Variants in VMP1 observed in about 807,000 individuals in gnomAD.
VMP1 encodes the protein ectopic P-granules autophagy protein 3 homolog.
In VMP1, 11 loss-of-function variants were observed where a neutral mutation model predicts 56.0. The observed-to-expected ratio is 0.20, with a 90% CI of 0.12 to 0.32. The LOEUF is 0.32. VMP1 is among the 10% of genes least tolerant of loss of function. The pLI, the probability that VMP1 is intolerant of heterozygous loss-of-function variation, is 1.00. For missense variants in VMP1, 296 were observed against 490.3 expected, an observed-to-expected ratio of 0.60 and a Z score of 3.74; for synonymous variants, 149 against 165.0, an observed-to-expected ratio of 0.90 and a Z score of 0.74.
chr17:59,778,362 A>G (rs1211275652), intron 7 of VMP1, among the ~76,000 whole-genome samples: 1 of 152,040 alleles, frequency 6.6e-6, no homozygotes, highest in East Asian at 1.9e-4. Flanking sequence ...AACACAGTGA[A>G]ACCCCATCTC....
chr17:59,776,645 A>G (rs953066902), intron 7 of VMP1, among the ~76,000 whole-genome samples: 1 of 152,358 alleles, frequency 6.6e-6, no homozygotes, highest in East Asian at 1.9e-4. Flanking sequence ...TGCCAGCATT[A>G]CTGGTATATT....
chr17:59,836,920 G>A (rs2039000863), intron 10 of VMP1, among the ~76,000 whole-genome samples: 1 of 152,034 alleles, frequency 6.6e-6, no homozygotes, highest in Admixed American at 6.6e-5. Context: ...AAGAAGTGAA[G>A]GCCAGTCGCG....
At chr17:59,731,764 A>T (rs1470631783) in intron 2 of VMP1, among the ~76,000 whole-genome samples, 2 of 152,290 alleles carry the variant, frequency 1.3e-5, no homozygotes, top group South Asian at 2.1e-4. Context: ...ATCTTATAGT[A>T]TGGTCAGTGT....
At chr17:59,777,403 T>A (rs991969992) in intron 7 of VMP1, among the ~76,000 whole-genome samples, 1 of 152,132 alleles carries the variant, frequency 6.6e-6, no homozygotes, top group African/African-American at 2.4e-5. Flanking sequence ...CAAGTTTCTG[T>A]AATTGGTATC....
intron 5 of VMP1, among the ~76,000 whole-genome samples, chr17:59,748,467 A>G (rs1174128525): frequency 1.3e-5 from 2 of 152,308 alleles, no homozygotes; most frequent in East Asian, 3.9e-4. Context: ...GTACAATATT[A>G]CTAGCTGTGT....
At chr17:59,820,965 C>CTTTTTTTTTTTTTTTTTTTTTTTTTTTT (rs201428600) in intron 10 of VMP1, among the ~76,000 whole-genome samples, 1 of 146,634 alleles carries the variant, frequency 6.8e-6, no homozygotes, top group African/African-American at 2.5e-5. Context: ...GTCTTTCTTT[C>CTTTTTTTTTTTTTTTTTTTTTTTTTTTT]TTTTTTTTGT....
intron 5 of VMP1, among the ~76,000 whole-genome samples, chr17:59,744,777 T>C (rs2035364954): frequency 6.6e-6 from 1 of 151,982 alleles, no homozygotes; most frequent in Admixed American, 6.6e-5. Flanking sequence ...GTATATGCCA[T>C]TTCCATTTGA....
At chr17:59,779,912 C>G (rs2036759357) in intron 7 of VMP1, among the ~76,000 whole-genome samples, 1 of 152,164 alleles carries the variant, frequency 6.6e-6, no homozygotes, top group Admixed American at 6.5e-5. Context: ...AAACTAAGAT[C>G]TTCTAGAATT....
At chr17:59,811,164 G>T (rs758877155) in intron 8 of VMP1, among the ~76,000 whole-genome samples, 1 of 152,098 alleles carries the variant, frequency 6.6e-6, no homozygotes, top group Non-Finnish European at 1.5e-5. Flanking sequence ...ATGTATTTGA[G>T]AATTTATTAA....
At chr17:59,792,052 A>G (rs2037250685) in intron 7 of VMP1, among the ~76,000 whole-genome samples, 1 of 152,126 alleles carries the variant, frequency 6.6e-6, no homozygotes, top group Admixed American at 6.6e-5. Flanking sequence ...TAGGAGGATC[A>G]CTTGAGCCAA....
chr17:59,735,569 A>G, intron 3 of VMP1, 96 bp downstream of exon 3: 1 of 1,303,026 alleles, frequency 7.7e-7, no homozygotes, highest in South Asian at 1.4e-5. Context: ...TACTCCATCA[A>G]AATGGATTAA....
intron 1 of VMP1, among the ~76,000 whole-genome samples, chr17:59,718,720 T>C (rs986370048): frequency 6.6e-6 from 1 of 151,828 alleles, no homozygotes; most frequent in East Asian, 1.9e-4. Context: ...TTTTAAGAGA[T>C]GGGGTCTCAC....
chr17:59,771,024 A>C (rs1346305509), intron 6 of VMP1, among the ~76,000 whole-genome samples: 4 of 150,764 alleles, frequency 2.7e-5, no homozygotes, highest in Non-Finnish European at 5.9e-5. Flanking sequence ...TACACTCCAT[A>C]GCCTTGTGTA....
At chr17:59,739,016 G>T in intron 5 of VMP1, 69 bp downstream of exon 5, 1 of 1,267,514 alleles carries the variant, frequency 7.9e-7, no homozygotes, top group South Asian at 1.4e-5. Flanking sequence ...TTTTATGTCA[G>T]AAGTAAAAAT....
chr17:59,728,986 T>C (rs947494504), intron 1 of VMP1, among the ~76,000 whole-genome samples: 12 of 152,210 alleles, frequency 7.9e-5, no homozygotes, highest in African/African-American at 2.9e-4. Flanking sequence ...TCTGTTATCA[T>C]GGATATGCAT....
chr17:59,754,145 G>T (rs182558925), intron 5 of VMP1, among the ~76,000 whole-genome samples: 341 of 152,124 alleles, frequency 2.2e-3, no homozygotes, highest in Non-Finnish European at 3.6e-3. Flanking sequence ...GTTAAAAATT[G>T]TACATTTACC....
chr17:59,830,207 C>A (rs967851955), intron 10 of VMP1, among the ~76,000 whole-genome samples: 21 of 151,926 alleles, frequency 1.4e-4, no homozygotes, highest in African/African-American at 4.8e-4. Context: ...CACCTCCTGT[C>A]GCATGCCAGC....
Position 59,807,836 on chromosome 17 carries a change from A to G in VMP1, c.715-960A>G, listed in dbSNP as rs976054149. Among the ~76,000 whole-genome samples the G allele has an allele frequency of 6.0e-5, 7 of 115,948 alleles. No homozygotes were observed. The Admixed American group carries it at 6.4e-4, about 11-fold the overall frequency. 76.1% of individuals were successfully genotyped at this position (115,948 alleles called of 152,430 possible). On this transcript the variant is annotated intron_variant, in intron 7 of 11. Transcript: ENST00000262291. ...AACAAGAGTGAAACTCCGTCTCAAA[A>G]AAAAAAAAAAAAAAAGAAAGTTGGA...
At chr17:59,710,528 A>G (rs981902590) in intron 1 of VMP1, among the ~76,000 whole-genome samples, 2 of 152,250 alleles carry the variant, frequency 1.3e-5, no homozygotes, top group Non-Finnish European at 2.9e-5. Flanking sequence ...ACATACGCAC[A>G]TAAGCCTTAT....
Sources: allele counts gnomAD v4.1 joint callset (sites outside exome capture counted in the v4.1 genomes callset), GRCh38; gene constraint gnomAD v4.1.1; transcripts MANE v1.5; gene names NCBI Gene and HGNC (gene_info 2026-07-23, HGNC 2026-07-21).